Variants in LTBP1 observed in about 807,000 individuals in gnomAD.
LTBP1 encodes latent-transforming growth factor beta-binding protein 1.
Under a neutral mutation model 207.6 loss-of-function variants are expected in LTBP1, and 129 were observed. That is an observed-to-expected ratio of 0.62 (90% CI 0.54 to 0.72). LTBP1 has a LOEUF of 0.72. LTBP1 is among the 30% of genes least tolerant of loss of function. LTBP1 has a pLI of 0.00. For missense variants in LTBP1, 2,281 were observed against 2,217.2 expected (o/e 1.03, Z -0.58); for synonymous variants, 963 against 833.7 (o/e 1.16, Z -2.67).
intron 3 of LTBP1, among the ~76,000 whole-genome samples, chr2:33,085,797 T>C (rs1025067268): frequency 2.0e-5 from 3 of 152,192 alleles, no homozygotes; most frequent in African/African-American, 7.2e-5. Flanking sequence ...TAAACCACAT[T>C]TTAGACTTTT....
At chr2:33,264,273 AAG>A (rs1414267196) in intron 15 of LTBP1, among the ~76,000 whole-genome samples, 3 of 146,684 alleles carry the variant, frequency 2.0e-5, no homozygotes, top group Non-Finnish European at 4.5e-5. Flanking sequence ...AAAAAAAAAA[AAG>A]AATATGATGT....
chr2:32,953,559 C>T (rs566522886), intron 2 of LTBP1, among the ~76,000 whole-genome samples: 3 of 152,252 alleles, frequency 2.0e-5, no homozygotes, highest in South Asian at 2.1e-4. Flanking sequence ...TATGTGTTCT[C>T]GAGACTAGTT....
chr2:33,315,113 C>T, intron 23 of LTBP1, 31 bp from the exon 24 acceptor site: 2 of 1,570,034 alleles, frequency 1.3e-6, no homozygotes, highest in Non-Finnish European at 8.6e-7. Context: ...CGATTTTTTT[C>T]AAGTTTTTAA....
At chr2:33,287,923 GC>G (rs960633702) in intron 19 of LTBP1, among the ~76,000 whole-genome samples, 5 of 152,164 alleles carry the variant, frequency 3.3e-5, no homozygotes, top group African/African-American at 1.2e-4. Flanking sequence ...TTGCTTTTCT[GC>G]CAAATATGTT....
intron 9 of LTBP1, among the ~76,000 whole-genome samples, chr2:33,230,501 T>G (rs553784268): frequency 2.2e-4 from 33 of 152,312 alleles, no homozygotes; most frequent in African/African-American, 7.9e-4. Context: ...TCATTTATCA[T>G]AACAAACAAT....
At chr2:32,966,130 T>G (rs1189308274) in intron 2 of LTBP1, among the ~76,000 whole-genome samples, 2 of 152,194 alleles carry the variant, frequency 1.3e-5, no homozygotes, top group Non-Finnish European at 2.9e-5. Flanking sequence ...ACTTGAGCTT[T>G]TTTTGGTAAG....
At chr2:33,208,597 C>T (rs1022305000) in intron 7 of LTBP1, among the ~76,000 whole-genome samples, 14 of 152,110 alleles carry the variant, frequency 9.2e-5, no homozygotes, top group African/African-American at 3.4e-4. Context: ...AATGTATCAA[C>T]CTGGCAGGCA....
intron 28 of LTBP1, 22 bp downstream of exon 28, chr2:33,361,537 A>G (rs1252029609): frequency 6.5e-7 from 1 of 1,543,570 alleles, no homozygotes; most frequent in South Asian, 1.1e-5. Context: ...GTGGAAACAA[A>G]TTTTCAGCAC....
intron 2 of LTBP1, among the ~76,000 whole-genome samples, chr2:33,009,613 A>G (rs1180441827): frequency 1.3e-5 from 2 of 152,222 alleles, no homozygotes; most frequent in Non-Finnish European, 2.9e-5. Context: ...ATTATCTTTC[A>G]GTCCTCAGGA....
intron 3 of LTBP1, among the ~76,000 whole-genome samples, chr2:33,040,385 C>T (rs1264832500): frequency 6.6e-6 from 1 of 152,190 alleles, no homozygotes; most frequent in East Asian, 1.9e-4. Context: ...GGAAGACATA[C>T]CTGCATTCTG....
At chr2:33,244,971 C>T (rs550288112) in intron 10 of LTBP1, among the ~76,000 whole-genome samples, 15 of 152,214 alleles carry the variant, frequency 9.9e-5, no homozygotes, top group East Asian at 1.9e-4. Flanking sequence ...CTCTGCCTCC[C>T]GGGTTCCAAT....
chr2:33,287,130 AAGC>A (rs2093682273), intron 19 of LTBP1, among the ~76,000 whole-genome samples: 1 of 152,204 alleles, frequency 6.6e-6, no homozygotes, highest in South Asian at 2.1e-4. Flanking sequence ...CAACTTTTGA[AAGC>A]AGGCAGCATG....
At chr2:33,230,925 C>T (rs1216912355) in intron 9 of LTBP1, among the ~76,000 whole-genome samples, 2 of 150,394 alleles carry the variant, frequency 1.3e-5, no homozygotes, top group East Asian at 2.0e-4. Context: ...TACCTCAGTA[C>T]GTGCTGAATG....
intron 3 of LTBP1, among the ~76,000 whole-genome samples, chr2:33,061,257 A>G (rs1015283902): frequency 6.6e-6 from 1 of 152,198 alleles, no homozygotes; most frequent in African/African-American, 2.4e-5. Flanking sequence ...TGCACACATC[A>G]TGAGTATATG....
At chr2:33,393,234 C>CTTTTTTTTT (rs569734292) in intron 32 of LTBP1, among the ~76,000 whole-genome samples, 106 of 48,612 alleles carry the variant, frequency 2.2e-3, no homozygotes, top group South Asian at 4.7e-3. Flanking sequence ...CCTTCTTCTT[C>CTTTTTTTTT]TTTTTTTTTT....
rs568765664 is a variant in LTBP1, at chr2:33,018,396, C to T, written c.566-2513C>T. The stretch of plus-strand genomic sequence containing the variant: ...AGTGTACCTTGGGCGGGAGGAGAAG[C>T]GGAAATCATTCTCAGATGTTAAAAA... On this transcript the variant is annotated intron_variant, in intron 2 of 33. Coordinates refer to ENST00000404816, the MANE Select transcript of LTBP1 (RefSeq NM_206943.4). 3.9e-5 allele frequency among the ~76,000 whole-genome samples: 6 copies of T among 151,944 alleles called. No homozygotes were observed. The South Asian group carries it at 8.4e-4, about 21-fold the overall frequency.
chr2:33,262,681 C>CTTTTTT, intron 13 of LTBP1, 41 bp from the exon 14 acceptor site: 1 of 967,958 alleles, frequency 1.0e-6, no homozygotes, highest in South Asian at 1.7e-5. Context: ...ACTTTCAATT[C>CTTTTTT]TTTTTTTTTT....
chr2:33,170,780 C>T (rs1173018789), intron 5 of LTBP1, among the ~76,000 whole-genome samples: 3 of 152,062 alleles, frequency 2.0e-5, no homozygotes, highest in Admixed American at 6.5e-5. Context: ...CAGACTGACA[C>T]CTCACACGGC....
chr2:33,044,265 G>T (rs2076337439), intron 3 of LTBP1, among the ~76,000 whole-genome samples: 1 of 151,668 alleles, frequency 6.6e-6, no homozygotes, highest in Admixed American at 6.6e-5. Context: ...CCCTCCCCTA[G>T]CCCCCTACCC....
Sources: allele counts gnomAD v4.1 joint callset (sites outside exome capture counted in the v4.1 genomes callset), GRCh38; gene constraint gnomAD v4.1.1; transcripts MANE v1.5; gene names NCBI Gene and HGNC (gene_info 2026-07-23, HGNC 2026-07-21).